KAZN: variants seen among roughly 807,000 people sequenced by gnomAD.
The protein encoded by KAZN is kazrin, periplakin interacting protein.
In KAZN, 40 loss-of-function variants were observed where a neutral mutation model predicts 87.4. That is an observed-to-expected ratio of 0.46 (90% CI 0.36 to 0.60). The LOEUF (loss-of-function observed/expected upper bound fraction) is 0.60. Ranked by LOEUF, KAZN falls within the 20% of genes least tolerant of loss-of-function variation. The probability of loss-of-function intolerance (pLI) is 0.00; values close to 1 mark genes in which losing one functional copy is unlikely to be tolerated. For missense variants in KAZN, 898 were observed against 1,073.9 expected (o/e 0.84, Z 2.29); for synonymous variants, 466 against 458.3 (o/e 1.02, Z -0.22).
At chr1:15,095,600 C>T (rs1256927604) in intron 10 of KAZN, among the ~76,000 whole-genome samples, 2 of 151,828 alleles carry the variant, frequency 1.3e-5, no homozygotes, top group African/African-American at 4.8e-5. Context: ...AAGGAACCCC[C>T]ACCCCCACCC....
At chr1:15,000,030 C>T (rs904208508) in intron 2 of KAZN, among the ~76,000 whole-genome samples, 6 of 152,024 alleles carry the variant, frequency 3.9e-5, no homozygotes. Context: ...AGGGACTTTG[C>T]AGCTGTGACG....
At chr1:14,917,729 G>C (rs1657961217) in intron 1 of KAZN, among the ~76,000 whole-genome samples, 1 of 152,072 alleles carries the variant, frequency 6.6e-6, no homozygotes, top group South Asian at 2.1e-4. Flanking sequence ...TAGAGACTGT[G>C]TCCCCAACTC....
At chr1:13,923,318 A>C (rs1640134013) in intron 1 of KAZN, among the ~76,000 whole-genome samples, 1 of 152,168 alleles carries the variant, frequency 6.6e-6, no homozygotes, top group Admixed American at 6.5e-5. Flanking sequence ...TCACGCCTGT[A>C]ATCCCAGCAC....
intron 2 of KAZN, among the ~76,000 whole-genome samples, chr1:14,462,474 A>G (rs1667908312): frequency 6.6e-6 from 1 of 152,126 alleles, no homozygotes; most frequent in Admixed American, 6.6e-5. Context: ...GACCTAGAAT[A>G]TTGTTCTAGG....
chr1:14,825,125 C>G (rs529807960), intron 1 of KAZN, among the ~76,000 whole-genome samples: 1 of 152,348 alleles, frequency 6.6e-6, no homozygotes, highest in South Asian at 2.1e-4. Context: ...TTCAGAGTCT[C>G]GCAAAAGCTA....
At chr1:14,830,618 G>A (rs540897648) in intron 1 of KAZN, among the ~76,000 whole-genome samples, 62 of 152,276 alleles carry the variant, frequency 4.1e-4, no homozygotes, top group African/African-American at 5.3e-4. Flanking sequence ...TGAGGAAGGC[G>A]AATGGGAAGC....
At chr1:14,982,721 G>A (rs539633903) in intron 2 of KAZN, among the ~76,000 whole-genome samples, 1 of 152,134 alleles carries the variant, frequency 6.6e-6, no homozygotes, top group African/African-American at 2.4e-5. Flanking sequence ...CACTGTGCCT[G>A]GCCAGCACCT....
intron 1 of KAZN, among the ~76,000 whole-genome samples, chr1:14,169,723 G>C (rs899139805): frequency 2.0e-5 from 3 of 152,182 alleles, no homozygotes; most frequent in South Asian, 2.1e-4. Context: ...TGATAGCTGG[G>C]TGTCATCACT....
At chr1:14,500,757 A>C (rs1376630144) in intron 2 of KAZN, among the ~76,000 whole-genome samples, 1 of 152,190 alleles carries the variant, frequency 6.6e-6, no homozygotes, top group Non-Finnish European at 1.5e-5. Flanking sequence ...AGACATTACT[A>C]CCTACCTCAT....
chr1:14,724,747 C>A (rs994259274), intron 1 of KAZN, among the ~76,000 whole-genome samples: 1 of 152,346 alleles, frequency 6.6e-6, no homozygotes, highest in Non-Finnish European at 1.5e-5. Context: ...CTGCGGGTTG[C>A]CCCGTTGGCT....
intron 1 of KAZN, among the ~76,000 whole-genome samples, chr1:14,887,774 G>T (rs954560309): frequency 1.3e-4 from 20 of 151,720 alleles, no homozygotes; most frequent in African/African-American, 4.1e-4. Context: ...GAGCTTTCGG[G>T]CCTAATTAGA....
At chr1:14,193,981 C>T (rs1274741179) in intron 2 of KAZN, among the ~76,000 whole-genome samples, 1 of 152,120 alleles carries the variant, frequency 6.6e-6, no homozygotes, top group East Asian at 1.9e-4. Context: ...ATTGGCTTCC[C>T]TGGGTGACTG....
chr1:14,728,007 C>T (rs1051930366), intron 1 of KAZN, among the ~76,000 whole-genome samples: 3 of 151,584 alleles, frequency 2.0e-5, no homozygotes, highest in East Asian at 4.0e-4. Context: ...TAATGCTGGC[C>T]GGGCGCGGTG....
chr1:14,677,632 T>G (rs1640306185), intron 1 of KAZN, among the ~76,000 whole-genome samples: 2 of 152,028 alleles, frequency 1.3e-5, no homozygotes. Flanking sequence ...CTGGGAAGGG[T>G]TGAAAATCAG....
intron 1 of KAZN, among the ~76,000 whole-genome samples, chr1:14,668,802 T>C (rs1219399396): frequency 6.6e-6 from 1 of 152,148 alleles, no homozygotes; most frequent in Non-Finnish European, 1.5e-5. Flanking sequence ...TTTGAAAAAA[T>C]AATAGAATAG....
intron 2 of KAZN, among the ~76,000 whole-genome samples, chr1:14,203,577 CAG>C (rs571226506): frequency 1.6e-3 from 240 of 152,274 alleles, no homozygotes; most frequent in African/African-American, 5.3e-3. Flanking sequence ...CAGGCTGAAA[CAG>C]AGATTCACAT....
chr1:14,984,262 A>G (rs1666550550), intron 2 of KAZN, among the ~76,000 whole-genome samples: 1 of 151,920 alleles, frequency 6.6e-6, no homozygotes, highest in Non-Finnish European at 1.5e-5. Flanking sequence ...GAGGCTGAGC[A>G]TCTACATGGG....
intron 2 of KAZN, among the ~76,000 whole-genome samples, chr1:14,405,606 A>ATGTC (rs1553167635): frequency 2.2e-3 from 303 of 136,326 alleles, no homozygotes; most frequent in African/African-American, 7.8e-3. Context: ...ACCCAATAAA[A>ATGTC]TGTGTGTGTG....
At chr1:14,122,997 G>T (rs1457698963) in intron 1 of KAZN, among the ~76,000 whole-genome samples, 2 of 152,170 alleles carry the variant, frequency 1.3e-5, no homozygotes, top group African/African-American at 4.8e-5. Flanking sequence ...CAAAGCGGAG[G>T]AATGGGTAGT....
Sources: allele counts gnomAD v4.1 joint callset (sites outside exome capture counted in the v4.1 genomes callset), GRCh38; gene constraint gnomAD v4.1.1; transcripts MANE v1.5; gene names NCBI Gene and HGNC (gene_info 2026-07-23, HGNC 2026-07-21).